PRKCQ: variants seen among roughly 807,000 people sequenced by gnomAD.
PRKCQ encodes protein kinase C theta, also known as protein kinase C theta type.
PRKCQ carries 41 observed loss-of-function variants against 91.2 expected under a neutral mutation model. That is an observed-to-expected ratio of 0.45 (90% CI 0.35 to 0.58). PRKCQ has a LOEUF of 0.58. PRKCQ is among the 20% of genes least tolerant of loss of function. The pLI, the probability that PRKCQ is intolerant of heterozygous loss-of-function variation, is 0.00. For synonymous variants in PRKCQ, 307 were observed against 316.9 expected (o/e 0.97, Z 0.33); for missense variants, 673 against 896.5 (o/e 0.75, Z 3.18).
chr10:6,428,217 A>C lies in PRKCQ; in HGVS notation c.2111T>G (p.Leu704Arg). 1 of 1,614,198 alleles carries C rather than the reference A, an allele frequency of 6.2e-7. No homozygotes were observed. The highest frequency in any genetic ancestry group is 8.5e-7 in the Non-Finnish European group (1 of 1,180,040). ...FSFMNPGMER[L>R]IS ...CTGGAGGGGCAAGATTCAGGATATC[A>C]GCCGCTCCATCCCGGGGTTCATGAA... The change falls in exon 18 of 18, where the codon CTG (leucine) becomes CGG (arginine). Residue 704 changes from leucine to arginine, a missense_variant. Transcript: ENST00000263125.
intron 1 of PRKCQ, among the ~76,000 whole-genome samples, chr10:6,557,318 T>C (rs1272400845): frequency 6.6e-6 from 1 of 152,192 alleles, no homozygotes; most frequent in Non-Finnish European, 1.5e-5. Flanking sequence ...GGAAATGGTC[T>C]TCCTCCTCAA....
intron 15 of PRKCQ, among the ~76,000 whole-genome samples, chr10:6,451,405 T>C (rs2132291700): frequency 6.6e-6 from 1 of 152,150 alleles, no homozygotes; most frequent in South Asian, 2.1e-4. Context: ...AATAGACCAA[T>C]AACAGGATCT....
chr10:6,483,475 AG>A lies in PRKCQ; in HGVS notation c.1143del (p.Leu382CysfsTer27). The A allele has an allele frequency of 6.2e-7, 1 of 1,614,214 alleles. No homozygotes were observed. The highest frequency in any genetic ancestry group is 8.5e-7 in the Non-Finnish European group (1 of 1,180,040). ...CTTCCTTTCCCCAACATTTTGTGCA[AG>A]ATAAAATCCTCAATTTTTAGTTTAA... ...LQIKLKIEDF[I>X]LHKMLGKGSF... On this transcript the variant is annotated frameshift_variant, in exon 11 of 18. Transcript: ENST00000263125. LOFTEE classifies it high-confidence loss of function.
chr10:6,538,961 A>G (rs184169500), intron 1 of PRKCQ, among the ~76,000 whole-genome samples: 2 of 152,192 alleles, frequency 1.3e-5, no homozygotes, highest in East Asian at 3.9e-4. Context: ...ATGGGGTTTT[A>G]CCATGTTGCC....
chr10:6,465,509 C>T lies in PRKCQ; in HGVS notation c.1354-1105G>A, dbSNP rs1241870350. 6.6e-6 allele frequency among the ~76,000 whole-genome samples: 1 copy of T among 152,094 alleles called. No individual in the cohort carries two copies. The highest frequency in any genetic ancestry group is 2.4e-5 in the African/African-American group (1 of 41,392). ...TGTATTTATAACACTTTAGAGAAAC[C>T]TGATTTTTTAAAGGGTTGTAATGCA... On this transcript the variant is annotated intron_variant, in intron 12 of 17. Coordinates refer to ENST00000263125, the MANE Select transcript of PRKCQ (RefSeq NM_006257.5). This position sits in a 1 kb window ranked among gnomAD's most constrained non-coding sequence, Gnocchi z 4.4.
At chr10:6,541,440 C>T (rs1027553155) in intron 1 of PRKCQ, among the ~76,000 whole-genome samples, 2 of 152,160 alleles carry the variant, frequency 1.3e-5, no homozygotes, top group South Asian at 2.1e-4. Context: ...AATCCAGTAC[C>T]GAATTCTATG....
intron 1 of PRKCQ, among the ~76,000 whole-genome samples, chr10:6,575,837 C>T (rs2182651): frequency 0.31 from 46,573 of 151,980 alleles, 7,243 homozygotes; most frequent in African/African-American, 0.36. Context: ...GTCAAGAGAT[C>T]GAGACCATCT....
intron 15 of PRKCQ, among the ~76,000 whole-genome samples, chr10:6,448,674 T>C (rs1262106465): frequency 6.6e-6 from 1 of 152,196 alleles, no homozygotes; most frequent in Non-Finnish European, 1.5e-5. Flanking sequence ...ACCAAAGTGC[T>C]GGGATTACAG....
At chr10:6,565,034 T>C (rs1354326538) in intron 1 of PRKCQ, among the ~76,000 whole-genome samples, 1 of 152,270 alleles carries the variant, frequency 6.6e-6, no homozygotes, top group African/African-American at 2.4e-5. Flanking sequence ...AAATGTGGCA[T>C]GTGGATTAAA....
At chr10:6,567,829 C>CT (rs919501449) in intron 1 of PRKCQ, among the ~76,000 whole-genome samples, 137 of 152,166 alleles carry the variant, frequency 9.0e-4, no homozygotes, top group African/African-American at 2.8e-3. Flanking sequence ...GATAAACATT[C>CT]TTTTTTTTGT....
At chr10:6,544,432 A>C (rs1351218461) in intron 1 of PRKCQ, among the ~76,000 whole-genome samples, 3 of 152,182 alleles carry the variant, frequency 2.0e-5, no homozygotes, top group Admixed American at 2.0e-4. Flanking sequence ...AACGGCAAGG[A>C]GAGACACTGT....
intron 1 of PRKCQ, among the ~76,000 whole-genome samples, chr10:6,546,435 T>C (rs1184336883): frequency 6.6e-6 from 1 of 152,202 alleles, no homozygotes; most frequent in Non-Finnish European, 1.5e-5. Context: ...AGCTTAGCCA[T>C]GTGGAAGCTA....
chr10:6,453,424 A>G (rs374586098), intron 15 of PRKCQ, among the ~76,000 whole-genome samples: 13 of 152,132 alleles, frequency 8.5e-5, no homozygotes, highest in African/African-American at 1.2e-4. Context: ...GAAACAACAG[A>G]TGCTGGAGAG....
At chr10:6,473,843 T>C (rs542594662) in intron 12 of PRKCQ, among the ~76,000 whole-genome samples, 1 of 152,294 alleles carries the variant, frequency 6.6e-6, no homozygotes, top group Non-Finnish European at 1.5e-5. Context: ...TTTTAAAAAG[T>C]ATCAAGTTCA....
At chr10:6,505,115 G>A (rs1489810988) in intron 4 of PRKCQ, among the ~76,000 whole-genome samples, 5 of 152,138 alleles carry the variant, frequency 3.3e-5, no homozygotes, top group East Asian at 1.9e-4. Context: ...GGATGGTCTC[G>A]GTCTCCTGAC....
At chr10:6,479,247 C>T (rs565177718) in intron 11 of PRKCQ, 82 bp from the exon 12 acceptor site, 13 of 1,515,124 alleles carry the variant, frequency 8.6e-6, no homozygotes, top group Admixed American at 1.8e-5. Context: ...CTGAGAGACA[C>T]CTGTGTTGGG....
chr10:6,551,180 G>C (rs956160893), intron 1 of PRKCQ, among the ~76,000 whole-genome samples: 3 of 151,968 alleles, frequency 2.0e-5, no homozygotes, highest in Admixed American at 6.6e-5. Context: ...ACAGGCCCCA[G>C]TGTGTGTTGT....
In PRKCQ at chr10:6,497,912, T is replaced by C. The variant is rs551688892; in HGVS notation, c.542+484A>G. Among the ~76,000 whole-genome samples, 1 of 152,236 alleles carries C rather than the reference T, an allele frequency of 6.6e-6. No individual in the cohort carries two copies. ...GTTATTTCAAGTCTCCACTCTGTCA[T>C]AGCCTTTGCTATGTGGTTACTGAGG... On this transcript the variant is annotated intron_variant, in intron 5 of 17. Coordinates refer to ENST00000263125, the MANE Select transcript of PRKCQ (RefSeq NM_006257.5). This position sits in a 1 kb window ranked among gnomAD's most constrained non-coding sequence, Gnocchi z 4.5.
At chr10:6,445,711 A>T (rs1175716742) in intron 15 of PRKCQ, among the ~76,000 whole-genome samples, 4 of 152,256 alleles carry the variant, frequency 2.6e-5, no homozygotes, top group Non-Finnish European at 5.9e-5. Flanking sequence ...TTTACATGCT[A>T]AAGTTTACTT....
Sources: gnomAD v4.1 joint callset for allele counts (sites outside exome capture counted in the v4.1 genomes callset) on GRCh38, gnomAD v4.1.1 for gene constraint, Gnocchi (gnomAD v3.1) non-coding constraint, MANE v1.5 for transcripts, NCBI Gene and HGNC (gene_info 2026-07-23, HGNC 2026-07-21) for gene names.